C1QL1: variants seen among roughly 807,000 people sequenced by gnomAD.
C1QL1 encodes C1q-related factor.
A neutral mutation model predicts 14.2 loss-of-function variants in C1QL1; 15 were observed. The observed-to-expected ratio is 1.06, with a 90% CI of 0.71 to 1.62. The LOEUF (loss-of-function observed/expected upper bound fraction) is 1.62, where lower values mean the gene tolerates loss of function less well. Ranked by LOEUF, C1QL1 falls within the 40% of genes most tolerant of loss-of-function variation. C1QL1 has a pLI of 0.00. For missense variants in C1QL1, 346 were observed against 380.3 expected, an observed-to-expected ratio of 0.91 and a Z score of 0.75; for synonymous variants, 172 against 172.4, an observed-to-expected ratio of 1.00 and a Z score of 0.02.
chr17:44,963,031 C>G (rs2052636385), intron 1 of C1QL1, among the ~76,000 whole-genome samples: 1 of 152,174 alleles, frequency 6.6e-6, no homozygotes, highest in Non-Finnish European at 1.5e-5. Context: ...TGCAGCTCCT[C>G]CTGGGGTCCA....
intron 1 of C1QL1, among the ~76,000 whole-genome samples, chr17:44,963,696 G>T (rs2052640666): frequency 6.6e-6 from 1 of 152,176 alleles, no homozygotes. Context: ...AAAGTGCTGG[G>T]ATTACAGGCG....
Position 44,967,611 on chromosome 17 carries a change from G to A in C1QL1, c.438C>T (p.Leu146=). The part of the protein sequence containing the change: ...LKNPHEGYEV[L]KFDDVVTNLG... ...GGTTGGTGACCACGTCGTCAAACTT[G>A]AGTACCTCGTAACCCTCGTGGGGGT... Residue 146 remains leucine, a synonymous_variant, in exon 1 of 2, where the codon CTC becomes CTT. Coordinates refer to ENST00000253407, the MANE Select transcript of C1QL1 (RefSeq NM_006688.5). The surrounding 1 kb of genome is among the most constrained non-coding windows in gnomAD (Gnocchi z 7.0). 6.2e-7 allele frequency: 1 copy of A among 1,614,058 alleles called. No homozygotes were observed. Among genetic ancestry groups the A allele is most frequent in the South Asian group, 1.1e-5 (1 of 91,082 alleles).
rs1413694357 is a variant in C1QL1 at position 44,965,219 on chromosome 17, A to G, written c.597+2233T>C. Among the ~76,000 whole-genome samples, 7 of 152,170 alleles carry G rather than the reference A, an allele frequency of 4.6e-5. No individual in the cohort carries two copies. The South Asian group carries it at 1.4e-3, about 32-fold the overall frequency. On this transcript the variant is annotated intron_variant, in intron 1 of 1. Coordinates refer to ENST00000253407, the MANE Select transcript of C1QL1 (RefSeq NM_006688.5). ...AGTAGAGATGGGGTTTCACCGTGTT[A>G]GCCAGGATGGTCTTGATCTCCTGAC...
At position 44,967,808 on chromosome 17, in the gene C1QL1, G is replaced by A. The variant is rs2052666094; in HGVS notation, c.241C>T (p.Pro81Ser). Reference protein sequence around the residue: ...KPGRTGKPGPPGPPGDPGPPG... With the variant: ...KPGRTGKPGPSGPPGDPGPPG... ...GGACCTGGGTCCCCGGGAGGCCCCG[G>A]AGGGCCGGGCTTGCCGGTGCGGCCC... is the stretch of plus-strand genomic sequence containing the variant. The change falls in exon 1 of 2, where the codon CCG becomes TCG. Residue 81 changes from proline (P) to serine (S), a missense_variant. By Grantham distance (74) the Pro-to-Ser change is moderately conservative (BLOSUM62 -1). Coordinates refer to ENST00000253407, the MANE Select transcript of C1QL1 (RefSeq NM_006688.5). This position sits in a 1 kb window ranked among gnomAD's most constrained non-coding sequence, Gnocchi z 7.0. 1.4e-6 allele frequency: 2 copies of A among 1,431,828 alleles called. No individual in the cohort carries two copies. Among genetic ancestry groups the A allele is most frequent in the East Asian group, 5.6e-5 (2 of 35,930 alleles). The allele number at this position is 1,431,828 out of a possible 1,614,324, so 88.7% of individuals were successfully genotyped here. A position where few individuals can be genotyped will look rare whatever the true frequency, so the allele number is the denominator to read the frequency against.
chr17:44,961,967 A>G (rs2052630307), intron 1 of C1QL1, among the ~76,000 whole-genome samples: 1 of 151,906 alleles, frequency 6.6e-6, no homozygotes, highest in Non-Finnish European at 1.5e-5. Context: ...ATCTACAGAC[A>G]TTCAGCTAAC....
rs930778528 is a variant in C1QL1, at chr17:44,960,364, G to T, written c.601C>A (p.Arg201=). 2 of 1,612,190 alleles carry T rather than the reference G, an allele frequency of 1.2e-6. No individual in the cohort carries two copies. The highest frequency in any genetic ancestry group is 1.7e-6 in the Non-Finnish European group (2 of 1,179,018). ...GCGTCCTGGGCAATAGCACTGGCCC[G>T]CACCTGCGGGTGGGGGACACGGGAG... ...WADLCKNGQV[R]ASAIAQDADQ... The change falls in exon 2 of 2, where the codon CGG becomes AGG. Residue 201 remains arginine (R), a synonymous_variant. Transcript: ENST00000253407.
chr17:44,967,681 G>C lies in C1QL1; in HGVS notation c.368C>G (p.Thr123Ser). 1 of 1,613,048 alleles carries C rather than the reference G, an allele frequency of 6.2e-7. No individual in the cohort carries two copies. Residue 123 changes from threonine to serine, a missense_variant, in exon 1 of 2, where the codon ACC becomes AGC. Coordinates refer to ENST00000253407, the MANE Select transcript of C1QL1 (RefSeq NM_006688.5). The surrounding 1 kb of genome is among the most constrained non-coding windows in gnomAD (Gnocchi z 7.0). ...AGGSGAISTA[T>S]YTTVPRVAFY... ...GGCCACGCGCGGCACCGTGGTGTAG[G>C]TGGCAGTGCTGATGGCGCCGCTGCC...
chr17:44,959,964 AC>A lies in C1QL1; in HGVS notation c.*223del. ...AGCGCGGGCTGGGCGGGGGCGGTCA[AC>A]CCCGGTTCCCTGGCACGGGGACAGG... On this transcript the variant is annotated 3_prime_UTR_variant, in exon 2 of 2. Transcript: ENST00000253407. 1.8e-6 allele frequency: 1 copy of A among 555,626 alleles called. No homozygotes were observed. The highest frequency in any genetic ancestry group is 3.2e-6 in the Non-Finnish European group (1 of 314,918). The allele number at this position is 555,626 out of a possible 1,614,324, so 34.4% of individuals were successfully genotyped here.
At chr17:44,966,022 AG>A (rs2052655581) in intron 1 of C1QL1, among the ~76,000 whole-genome samples, 1 of 152,258 alleles carries the variant, frequency 6.6e-6, no homozygotes, top group Non-Finnish European at 1.5e-5. Context: ...CACGTGGGAA[AG>A]AGAGACATAC....
chr17:44,967,919 C>A lies in C1QL1; in HGVS notation c.130G>T (p.Ala44Ser). ...AGGGCGTCGCCGCCGTCGGTCCGCG[C>A]GCCGGCGCCGGGGCCCCGCGCGGGG... Reference protein sequence around the residue: ...PYPARGPGAGARTDGGDALSE... With the variant: ...PYPARGPGAGSRTDGGDALSE... Residue 44 changes from alanine to serine, a missense_variant, in exon 1 of 2, where the codon GCG (alanine) becomes TCG (serine). Ala to Ser is a moderately conservative substitution (Grantham distance 99). Transcript: ENST00000253407. The surrounding 1 kb of genome is among the most constrained non-coding windows in gnomAD (Gnocchi z 7.0). The A allele has an allele frequency of 7.9e-7, 1 of 1,258,984 alleles. No homozygotes were observed. The highest frequency in any genetic ancestry group is 9.9e-7 in the Non-Finnish European group (1 of 1,006,690). 78.0% of individuals were successfully genotyped at this position (1,258,984 alleles called of 1,614,324 possible).
intron 1 of C1QL1, among the ~76,000 whole-genome samples, chr17:44,964,262 C>T (rs1428038743): frequency 2.0e-5 from 3 of 152,252 alleles, no homozygotes; most frequent in African/African-American, 7.2e-5. Context: ...AAGCGCAGTG[C>T]TCAGGGTGGC....
rs1438770320 is a variant in C1QL1 at position 44,963,319 on chromosome 17, C to A, written c.598-2952G>T. On this transcript the variant is annotated intron_variant, in intron 1 of 1. Transcript: ENST00000253407. ...TTTTCATACATACATTAACTGCATT[C>A]CCACTGTGCCAGGCACTGTGCTCTG... Among the ~76,000 whole-genome samples, 908 of 152,252 alleles carry A rather than the reference C, an allele frequency of 6.0e-3. 8 individuals carry two copies. Among genetic ancestry groups the A allele is most frequent in the African/African-American group, 0.021 (876 of 41,532 alleles).
chr17:44,961,622 C>T (rs550137199), intron 1 of C1QL1, among the ~76,000 whole-genome samples: 2 of 146,812 alleles, frequency 1.4e-5, no homozygotes, highest in East Asian at 2.0e-4. Flanking sequence ...CGCGGTGGCT[C>T]ACGCCTGTAA....
chr17:44,962,096 A>C (rs2052631196), intron 1 of C1QL1, among the ~76,000 whole-genome samples: 1 of 152,078 alleles, frequency 6.6e-6, no homozygotes, highest in African/African-American at 2.4e-5. Flanking sequence ...GGGAGGCTGC[A>C]CTGAGTGGAG....
chr17:44,966,513 A>G (rs538906826), intron 1 of C1QL1, among the ~76,000 whole-genome samples: 13 of 152,332 alleles, frequency 8.5e-5, no homozygotes, highest in Admixed American at 8.5e-4. Flanking sequence ...GGTGGTATCA[A>G]GAGAGCTGGC....
Position 44,967,662 on chromosome 17 carries a change from G to A in C1QL1, c.387C>T (p.Arg129=). 1 of 1,613,524 alleles carries A rather than the reference G, an allele frequency of 6.2e-7. No homozygotes were observed. The highest frequency in any genetic ancestry group is 8.5e-7 in the Non-Finnish European group (1 of 1,179,842). ...ISTATYTTVP[R]VAFYAGLKNP... ...TCTTGAGGCCGGCGTAGAAGGCCAC[G>A]CGCGGCACCGTGGTGTAGGTGGCAG... The change falls in exon 1 of 2, where the codon CGC becomes CGT. Residue 129 remains arginine (R), a synonymous_variant. Transcript: ENST00000253407. This position sits in a 1 kb window ranked among gnomAD's most constrained non-coding sequence, Gnocchi z 7.0.
rs756681347 is a variant in C1QL1, at chr17:44,967,926, G to A, written c.123C>T (p.Gly41=). 2 of 1,271,432 alleles carry A rather than the reference G, an allele frequency of 1.6e-6. No homozygotes were observed. Among genetic ancestry groups the A allele is most frequent in the Non-Finnish European group, 9.9e-7 (1 of 1,013,694 alleles). 78.8% of individuals were successfully genotyped at this position (1,271,432 alleles called of 1,614,324 possible). A position where few individuals can be genotyped will look rare whatever the true frequency, so the allele number is the denominator to read the frequency against. ...CGCCGCCGTCGGTCCGCGCGCCGGC[G>A]CCGGGGCCCCGCGCGGGGTAGGGGT... is the stretch of plus-strand genomic sequence containing the variant. ...VCDPYPARGP[G]AGARTDGGDA... is the part of the protein sequence containing the mutation. The change falls in exon 1 of 2, where the codon GGC becomes GGT. Residue 41 remains glycine, a synonymous_variant. Transcript: ENST00000253407. This position sits in a 1 kb window ranked among gnomAD's most constrained non-coding sequence, Gnocchi z 7.0.
Position 44,967,330 on chromosome 17 carries a change from TG to T in C1QL1, c.597+121del. 2.0e-6 allele frequency: 2 copies of T among 1,020,586 alleles called. No homozygotes were observed. The highest frequency in any genetic ancestry group is 2.9e-6 in the Non-Finnish European group (2 of 695,982). 63.2% of individuals were successfully genotyped at this position (1,020,586 alleles called of 1,614,324 possible). ...ACGTGATGACCAAGCGGGGCCGCTG[TG>T]GGGTGGGATCTCCACCTGCGTCCGC... On this transcript the variant is annotated intron_variant, in intron 1 of 1. Transcript: ENST00000253407. This position sits in a 1 kb window ranked among gnomAD's most constrained non-coding sequence, Gnocchi z 7.0.
Position 44,968,105 on chromosome 17 carries a change from G to A in C1QL1, c.-57C>T. ...TTTCGGCCCGCGCGGAGCCTGGGGA[G>A]CGCCGGGCCGCCCGGCCGCGCCGTC... is the stretch of plus-strand genomic sequence containing the variant. On this transcript the variant is annotated 5_prime_UTR_variant, in exon 1 of 2. Coordinates refer to ENST00000253407, the MANE Select transcript of C1QL1 (RefSeq NM_006688.5). The A allele has an allele frequency of 8.9e-7, 1 of 1,121,348 alleles. No homozygotes were observed. Among genetic ancestry groups the A allele is most frequent in the East Asian group, 3.7e-5 (1 of 27,104 alleles). 69.5% of individuals were successfully genotyped at this position (1,121,348 alleles called of 1,614,324 possible).
Sources: allele counts gnomAD v4.1 joint callset (sites outside exome capture counted in the v4.1 genomes callset), GRCh38; gene constraint gnomAD v4.1.1; non-coding constraint Gnocchi (gnomAD v3.1); transcripts MANE v1.5; gene names NCBI Gene and HGNC (gene_info 2026-07-23, HGNC 2026-07-21).